The following RUNX2 variants were observed in gnomAD, a reference collection of about 807,000 sequenced individuals.
RUNX2 encodes runt-related transcription factor 2.
In RUNX2, 10 loss-of-function variants were observed where a neutral mutation model predicts 51.7. The observed-to-expected ratio is 0.19, with a 90% confidence interval of 0.12 to 0.33. RUNX2 has a LOEUF of 0.33. Ranked by LOEUF, RUNX2 falls within the 10% of genes least tolerant of loss-of-function variation. RUNX2 has a pLI of 1.00. For synonymous variants in RUNX2, 276 were observed against 273.6 expected (o/e 1.01, Z -0.09); for missense variants, 562 against 691.3 (o/e 0.81, Z 2.10).
At chr6:45,507,013 G>A (rs1211243456) in intron 6 of RUNX2, among the ~76,000 whole-genome samples, 2 of 150,286 alleles carry the variant, frequency 1.3e-5, no homozygotes, top group African/African-American at 4.9e-5. Context: ...CATTGATTTA[G>A]CCCCCGAAAA....
chr6:45,545,545 C>T (rs913484982), intron 8 of RUNX2, among the ~76,000 whole-genome samples: 1 of 152,076 alleles, frequency 6.6e-6, no homozygotes, highest in African/African-American at 2.4e-5. Context: ...TCGTAATATC[C>T]AAGAACAAGG....
intron 2 of RUNX2, among the ~76,000 whole-genome samples, chr6:45,349,502 A>C (rs1254616534): frequency 6.6e-6 from 1 of 152,200 alleles, no homozygotes; most frequent in Non-Finnish European, 1.5e-5. Flanking sequence ...TTTGAAAGGC[A>C]AATTGCTGAG....
intron 5 of RUNX2, among the ~76,000 whole-genome samples, chr6:45,448,356 C>T (rs1381332500): frequency 3.3e-5 from 5 of 152,172 alleles, no homozygotes; most frequent in Non-Finnish European, 5.9e-5. Flanking sequence ...ATATTGGTGT[C>T]CACACGTTTC....
chr6:45,399,548 C>CG (rs1230473593), intron 2 of RUNX2, among the ~76,000 whole-genome samples: 1 of 151,482 alleles, frequency 6.6e-6, no homozygotes, highest in South Asian at 2.1e-4. Flanking sequence ...TTAGTAGAGA[C>CG]GGGGTTTCAC....
intron 2 of RUNX2, among the ~76,000 whole-genome samples, chr6:45,381,043 G>A (rs1251395098): frequency 1.3e-5 from 2 of 152,082 alleles, no homozygotes; most frequent in Non-Finnish European, 2.9e-5. Context: ...TATTTTTAAT[G>A]CTTAAGTTGT....
intron 4 of RUNX2, among the ~76,000 whole-genome samples, chr6:45,435,648 G>A (rs1322457637): frequency 6.6e-6 from 1 of 152,114 alleles, no homozygotes; most frequent in Non-Finnish European, 1.5e-5. Context: ...GTGAGCCACC[G>A]CGCCCAGCCG....
chr6:45,403,790 CAG>C (rs997312769), intron 2 of RUNX2, among the ~76,000 whole-genome samples: 3 of 152,080 alleles, frequency 2.0e-5, no homozygotes, highest in African/African-American at 7.2e-5. Context: ...AGAGGGAAGA[CAG>C]AATATAAACA....
intron 3 of RUNX2, 60 bp downstream of exon 3, chr6:45,423,017 T>G (rs1798266237): frequency 6.3e-7 from 1 of 1,584,294 alleles, no homozygotes; most frequent in Admixed American, 1.7e-5. Flanking sequence ...CCCGCCGGTG[T>G]CTTCCTGCCC....
At chr6:45,378,904 A>G (rs556403356) in intron 2 of RUNX2, among the ~76,000 whole-genome samples, 4 of 152,210 alleles carry the variant, frequency 2.6e-5, no homozygotes, top group Non-Finnish European at 5.9e-5. Context: ...CTGGTTATCC[A>G]TGCTCACCTT....
intron 5 of RUNX2, among the ~76,000 whole-genome samples, chr6:45,471,893 T>G (rs143695388): frequency 4.6e-5 from 7 of 152,332 alleles, no homozygotes; most frequent in Admixed American, 4.6e-4. Context: ...GAAGGGCATA[T>G]AGTAGAGGCT....
At chr6:45,366,554 C>T (rs1795166932) in intron 2 of RUNX2, among the ~76,000 whole-genome samples, 1 of 152,134 alleles carries the variant, frequency 6.6e-6, no homozygotes, top group Admixed American at 6.5e-5. Context: ...AAAAGAATTC[C>T]CCTCCTTTAT....
chr6:45,396,885 T>A (rs1797591566), intron 2 of RUNX2, among the ~76,000 whole-genome samples: 1 of 152,222 alleles, frequency 6.6e-6, no homozygotes, highest in South Asian at 2.1e-4. Context: ...ACAGATACAG[T>A]ATATTTTATT....
chr6:45,423,080 C>T (rs1582095415), intron 3 of RUNX2, 123 bp downstream of exon 3: 5 of 1,260,520 alleles, frequency 4.0e-6, no homozygotes, highest in Non-Finnish European at 5.3e-6. Flanking sequence ...GCGGCTCTAA[C>T]CCCAGAAACC....
Position 45,413,092 on chromosome 6 carries a change from A to T in RUNX2, c.59-9501A>T, listed in dbSNP as rs1582084894. On this transcript the variant is annotated intron_variant, in intron 2 of 8. Transcript: ENST00000647337. ...AACTCTTGTAAAGATTTGATAATGG[A>T]ATCTATTTTATTTACTAAAGGAGAA... Among the ~76,000 whole-genome samples the T allele has an allele frequency of 3.3e-5, 5 of 152,278 alleles. No individual in the cohort carries two copies. In the South Asian group the frequency reaches 1.0e-3, roughly 32 times the overall value.
At chr6:45,370,389 G>GA (rs372520355) in intron 2 of RUNX2, among the ~76,000 whole-genome samples, 285 of 145,670 alleles carry the variant, frequency 2.0e-3, no homozygotes, top group African/African-American at 5.8e-3. Context: ...GACTGGGAAG[G>GA]AAAAAAAAAA....
chr6:45,541,115 A>C (rs924558339), intron 7 of RUNX2, among the ~76,000 whole-genome samples: 13 of 152,198 alleles, frequency 8.5e-5, no homozygotes, highest in African/African-American at 3.1e-4. Flanking sequence ...CAGAGTTCCC[A>C]ATCCTTAGAC....
rs1046798999 is a variant in RUNX2, at chr6:45,482,708, G to A, written c.686-9233G>A. The stretch of plus-strand genomic sequence containing the variant: ...GCTTTTAACATTTTTTCTATGAAAT[G>A]GAGTCCCTAGAATATTTCTATGGAG... On this transcript the variant is annotated intron_variant, in intron 5 of 8. Transcript: ENST00000647337. Among the ~76,000 whole-genome samples, 13 of 152,254 alleles carry A rather than the reference G, an allele frequency of 8.5e-5. No individual in the cohort carries two copies. In the South Asian group the frequency reaches 1.7e-3, roughly 19 times the overall value.
chr6:45,485,729 C>G (rs1183239814), intron 5 of RUNX2, among the ~76,000 whole-genome samples: 1 of 75,576 alleles, frequency 1.3e-5, no homozygotes, highest in African/African-American at 4.8e-5. Flanking sequence ...ACATATTTAG[C>G]ATCATCTTAT....
intron 5 of RUNX2, among the ~76,000 whole-genome samples, chr6:45,475,274 A>C (rs1264796387): frequency 6.6e-6 from 1 of 152,168 alleles, no homozygotes; most frequent in Non-Finnish European, 1.5e-5. Flanking sequence ...AAACATTTTT[A>C]CTTCTATTTG....
Sources: gnomAD v4.1 joint callset for allele counts (sites outside exome capture counted in the v4.1 genomes callset) on GRCh38, gnomAD v4.1.1 for gene constraint, MANE v1.5 for transcripts, NCBI Gene and HGNC (gene_info 2026-07-23, HGNC 2026-07-21) for gene names.